The following EPB41L5 variants were observed in gnomAD, a reference collection of about 807,000 sequenced individuals.
The protein encoded by EPB41L5 is band 4.1-like protein 5.
A neutral mutation model predicts 106.6 loss-of-function variants in EPB41L5; 55 were observed. The observed-to-expected ratio is 0.52, with a 90% CI of 0.42 to 0.65. The LOEUF (loss-of-function observed/expected upper bound fraction) is 0.65, where lower values mean the gene tolerates loss of function less well. Ranked by LOEUF, EPB41L5 falls within the 30% of genes least tolerant of loss-of-function variation. EPB41L5 has a pLI of 0.00. For missense variants in EPB41L5, 871 were observed against 882.1 expected (o/e 0.99, Z 0.16); for synonymous variants, 297 against 306.7 (o/e 0.97, Z 0.33).
intron 2 of EPB41L5, among the ~76,000 whole-genome samples, chr2:120,031,313 C>G (rs896879457): frequency 5.3e-5 from 8 of 152,192 alleles, no homozygotes; most frequent in Admixed American, 4.6e-4. Flanking sequence ...TAAATTGGTT[C>G]TGTCTAGGCA....
At chr2:120,100,211 G>A in intron 14 of EPB41L5, 33 bp from the exon 15 acceptor site, 1 of 1,581,304 alleles carries the variant, frequency 6.3e-7, no homozygotes, top group Non-Finnish European at 8.7e-7. Context: ...ATTTCATATA[G>A]GGTTTTTAAT....
intron 16 of EPB41L5, chr2:120,105,586 A>C: frequency 3.0e-6 from 3 of 985,384 alleles, no homozygotes; most frequent in Non-Finnish European, 3.6e-6. Context: ...ATTTGTAGGC[A>C]GGTTTCAATC....
intron 3 of EPB41L5, among the ~76,000 whole-genome samples, chr2:120,049,916 C>T (rs1406734348): frequency 6.6e-6 from 1 of 152,124 alleles, no homozygotes. Flanking sequence ...TTCTCCTTCA[C>T]TTATGAAGCT....
rs140968718 is a variant in EPB41L5, at chr2:120,029,054, G to A, written c.180+9790G>A. 6.8e-4 allele frequency among the ~76,000 whole-genome samples: 104 copies of A among 152,274 alleles called. No homozygotes were observed. The Middle Eastern group carries it at 0.02, about 30-fold the overall frequency. On this transcript the variant is annotated intron_variant, in intron 2 of 24. Coordinates refer to ENST00000263713, the MANE Select transcript of EPB41L5 (RefSeq NM_020909.4). ...AAACGCAGGATTGCTATGAGATTTG[G>A]CAATAGATGGAAGGAAGGAGATAGC...
chr2:120,172,511 A>G (rs1037787760), intron 24 of EPB41L5, among the ~76,000 whole-genome samples: 1 of 152,242 alleles, frequency 6.6e-6, no homozygotes, highest in Non-Finnish European at 1.5e-5. Context: ...TTTCTCACCC[A>G]GAGTTTTCCC....
At chr2:120,122,804 A>G (rs1319742713) in intron 16 of EPB41L5, among the ~76,000 whole-genome samples, 2 of 152,312 alleles carry the variant, frequency 1.3e-5, no homozygotes, top group African/African-American at 2.4e-5. Flanking sequence ...CTTCCTATCC[A>G]TGAGCATGGA....
intron 1 of EPB41L5, chr2:120,013,527 C>CGTA (rs1677290415): frequency 6.6e-6 from 1 of 152,228 alleles, no homozygotes; most frequent in African/African-American, 2.4e-5. Context: ...GCCGCGGGTA[C>CGTA]CCCTCGCTGG....
intron 3 of EPB41L5, among the ~76,000 whole-genome samples, chr2:120,067,850 A>C (rs1418916144): frequency 6.6e-6 from 1 of 152,158 alleles, no homozygotes; most frequent in African/African-American, 2.4e-5. Context: ...ATATGGGGAT[A>C]CTTTTTTCTC....
intron 3 of EPB41L5, among the ~76,000 whole-genome samples, chr2:120,065,074 A>AG (rs913851804): frequency 1.3e-5 from 2 of 152,178 alleles, no homozygotes; most frequent in Admixed American, 6.5e-5. Flanking sequence ...CCTGCCTGGA[A>AG]GATAACTATG....
intron 2 of EPB41L5, among the ~76,000 whole-genome samples, chr2:120,030,836 T>C (rs1245436806): frequency 1.3e-5 from 2 of 152,020 alleles, no homozygotes; most frequent in African/African-American, 4.8e-5. Flanking sequence ...ATTACAGGTG[T>C]GAGCCTCCGT....
At chr2:120,063,003 T>C (rs1681184868) in intron 3 of EPB41L5, among the ~76,000 whole-genome samples, 1 of 152,094 alleles carries the variant, frequency 6.6e-6, no homozygotes, top group African/African-American at 2.4e-5. Flanking sequence ...GTGGTCAGAA[T>C]GTGAGTTCGA....
intron 9 of EPB41L5, among the ~76,000 whole-genome samples, chr2:120,077,905 T>TTA (rs1682362860): frequency 6.6e-6 from 1 of 152,142 alleles, no homozygotes; most frequent in Non-Finnish European, 1.5e-5. Flanking sequence ...CTCAGGAAAC[T>TTA]TATAATCATT....
chr2:120,079,624 G>C (rs1682503049), intron 10 of EPB41L5, among the ~76,000 whole-genome samples: 2 of 152,088 alleles, frequency 1.3e-5, no homozygotes, highest in Non-Finnish European at 2.9e-5. Flanking sequence ...ACATTTTCTT[G>C]ATCAGCTCGG....
chr2:120,031,703 A>G (rs1181894543), intron 2 of EPB41L5, among the ~76,000 whole-genome samples: 1 of 152,288 alleles, frequency 6.6e-6, no homozygotes. Flanking sequence ...AACATGATAG[A>G]CCCATTACAA....
intron 2 of EPB41L5, among the ~76,000 whole-genome samples, chr2:120,029,019 C>T (rs1678526938): frequency 6.6e-6 from 1 of 151,912 alleles, no homozygotes; most frequent in Non-Finnish European, 1.5e-5. Flanking sequence ...TGTGGAAGTG[C>T]CTGAAGGGAA....
chr2:120,112,324 C>T (rs760416518), intron 16 of EPB41L5, among the ~76,000 whole-genome samples: 2 of 152,106 alleles, frequency 1.3e-5, no homozygotes, highest in South Asian at 2.1e-4. Context: ...ATGTACGCTC[C>T]GTTAAGGGAG....
intron 18 of EPB41L5, among the ~76,000 whole-genome samples, chr2:120,133,963 C>T (rs1255007210): frequency 6.6e-6 from 1 of 152,150 alleles, no homozygotes; most frequent in East Asian, 1.9e-4. Flanking sequence ...GCCTCCATTT[C>T]AGGCCCCACC....
intron 20 of EPB41L5, among the ~76,000 whole-genome samples, chr2:120,160,373 G>C (rs1490138564): frequency 6.6e-6 from 1 of 152,060 alleles, no homozygotes; most frequent in Non-Finnish European, 1.5e-5. Flanking sequence ...GATGTACTTT[G>C]TTTCAGGGTA....
chr2:120,125,288 A>G (rs915637186), intron 16 of EPB41L5, among the ~76,000 whole-genome samples: 3 of 152,130 alleles, frequency 2.0e-5, no homozygotes, highest in Non-Finnish European at 2.9e-5. Context: ...TAGGGAGTCT[A>G]TGCATTCTTG....
Sources: allele counts gnomAD v4.1 joint callset (sites outside exome capture counted in the v4.1 genomes callset), GRCh38; gene constraint gnomAD v4.1.1; transcripts MANE v1.5; gene names NCBI Gene and HGNC (gene_info 2026-07-23, HGNC 2026-07-21).